Variants in RGS6 observed in about 807,000 individuals in gnomAD.
RGS6 encodes regulator of G protein signaling 6.
RGS6 carries 30 observed loss-of-function variants against 78.5 expected under a neutral mutation model. That is an observed-to-expected ratio of 0.38 (90% CI 0.29 to 0.52). RGS6 has a LOEUF of 0.52. Among genes scored for constraint, RGS6 ranks in the 20% least tolerant of loss-of-function variants. RGS6 has a pLI of 0.85. For synonymous variants in RGS6, 206 were observed against 206.0 expected, an observed-to-expected ratio of 1.00 and a Z score of 0.00; for missense variants, 495 against 609.7, an observed-to-expected ratio of 0.81 and a Z score of 1.98.
chr14:72,513,567 C>A (rs1289859559), intron 14 of RGS6, among the ~76,000 whole-genome samples: 1 of 152,222 alleles, frequency 6.6e-6, no homozygotes, highest in African/African-American at 2.4e-5. Flanking sequence ...CTTGGGAATG[C>A]TCATGGCTTC....
At chr14:72,028,339 T>C (rs894812303) in intron 2 of RGS6, among the ~76,000 whole-genome samples, 1 of 152,184 alleles carries the variant, frequency 6.6e-6, no homozygotes, top group East Asian at 1.9e-4. Flanking sequence ...TGAGTACCAA[T>C]TACATCCAGT....
chr14:72,285,314 G>A (rs2062336425), intron 2 of RGS6, among the ~76,000 whole-genome samples: 1 of 152,102 alleles, frequency 6.6e-6, no homozygotes, highest in Non-Finnish European at 1.5e-5. Context: ...CACATGTTGT[G>A]GGAAGGACCT....
At chr14:72,420,750 A>T (rs1348244144) in intron 3 of RGS6, among the ~76,000 whole-genome samples, 1 of 152,258 alleles carries the variant, frequency 6.6e-6, no homozygotes, top group African/African-American at 2.4e-5. Context: ...AAAATGCCGT[A>T]AACGACATCT....
chr14:72,371,569 C>A (rs1160729253), intron 3 of RGS6, among the ~76,000 whole-genome samples: 1 of 152,110 alleles, frequency 6.6e-6, no homozygotes, highest in Non-Finnish European at 1.5e-5. Context: ...CGAGACCAGC[C>A]TGACTAACAT....
intron 2 of RGS6, among the ~76,000 whole-genome samples, chr14:72,237,385 A>G (rs941477751): frequency 6.6e-5 from 10 of 151,942 alleles, no homozygotes; most frequent in Admixed American, 6.6e-4. Flanking sequence ...TAGTCTTAGC[A>G]CAGAGTCTAC....
At chr14:71,939,736 C>G (rs553607305) in intron 1 of RGS6, among the ~76,000 whole-genome samples, 103 of 152,340 alleles carry the variant, frequency 6.8e-4, no homozygotes, top group African/African-American at 2.2e-3. Flanking sequence ...CTATCATTCT[C>G]CAAGATGCAT....
chr14:72,215,729 G>C (rs375425550), intron 2 of RGS6, among the ~76,000 whole-genome samples: 3 of 152,216 alleles, frequency 2.0e-5, no homozygotes, highest in African/African-American at 7.2e-5. Context: ...TAAGGAAGAG[G>C]AACAGGCTAA....
intron 2 of RGS6, among the ~76,000 whole-genome samples, chr14:72,131,339 T>A (rs2096310951): frequency 6.6e-6 from 1 of 152,216 alleles, no homozygotes; most frequent in African/African-American, 2.4e-5. Flanking sequence ...CTACTTGGGA[T>A]ACTTAAGGAA....
upstream of RGS6, among the ~76,000 whole-genome samples, chr14:71,927,782 C>T (rs550828067): frequency 5.3e-5 from 8 of 151,702 alleles, no homozygotes; most frequent in South Asian, 1.0e-3. Flanking sequence ...CTCAGCCTCC[C>T]GTGTAGCTGG....
At chr14:72,447,795 C>T (rs376414440) in intron 3 of RGS6, among the ~76,000 whole-genome samples, 26 of 152,258 alleles carry the variant, frequency 1.7e-4, no homozygotes, top group Admixed American at 5.9e-4. Context: ...CTCCACCTCG[C>T]GGGTTGAAGC....
chr14:72,029,162 T>A (rs969254408), intron 2 of RGS6, among the ~76,000 whole-genome samples: 6 of 152,196 alleles, frequency 3.9e-5, no homozygotes, highest in Admixed American at 1.3e-4. Flanking sequence ...TTTTTCTTTA[T>A]CCCTCGTTCT....
chr14:72,181,379 T>C (rs143388541), intron 2 of RGS6, among the ~76,000 whole-genome samples: 2 of 152,368 alleles, frequency 1.3e-5, no homozygotes, highest in East Asian at 3.9e-4. Flanking sequence ...AAAGCCAAAG[T>C]CTTCCTGATC....
intron 2 of RGS6, among the ~76,000 whole-genome samples, chr14:72,323,866 AAT>A (rs1567754658): frequency 6.7e-6 from 1 of 149,170 alleles, no homozygotes; most frequent in Non-Finnish European, 1.5e-5. Context: ...CAGAAGTTAA[AAT>A]ATATATGTCT....
At chr14:72,192,537 C>A (rs2097339848) in intron 2 of RGS6, among the ~76,000 whole-genome samples, 1 of 152,198 alleles carries the variant, frequency 6.6e-6, no homozygotes. Context: ...TCCCCTCTCA[C>A]TTTCCAGAAA....
chr14:72,365,323 CTATAAGCA>C (rs1347512435), intron 3 of RGS6, among the ~76,000 whole-genome samples: 3 of 152,156 alleles, frequency 2.0e-5, no homozygotes, highest in African/African-American at 7.2e-5. Context: ...GGAGGTATAG[CTATAAGCA>C]GAGCAGAAAA....
At chr14:72,389,365 CCTT>C (rs1190644434) in intron 3 of RGS6, among the ~76,000 whole-genome samples, 1 of 152,130 alleles carries the variant, frequency 6.6e-6, no homozygotes, top group African/African-American at 2.4e-5. Flanking sequence ...TAATAAATGA[CCTT>C]CTGAGAGTCA....
intron 2 of RGS6, among the ~76,000 whole-genome samples, chr14:72,202,972 T>A (rs1292917851): frequency 1.3e-5 from 2 of 152,044 alleles, no homozygotes; most frequent in Non-Finnish European, 2.9e-5. Flanking sequence ...GGAGAATGGT[T>A]CACGCCATTC....
chr14:72,594,183 C>T, the RGS6 span: 4 of 152,190 alleles, frequency 2.6e-5, no homozygotes, highest in Non-Finnish European at 4.4e-5. Flanking sequence ...AGGTAAAGGG[C>T]TTCTCCAGGG....
chr14:72,343,635 T>TACC (rs2077439590), intron 2 of RGS6, among the ~76,000 whole-genome samples: 4 of 117,496 alleles, frequency 3.4e-5, no homozygotes, highest in Non-Finnish European at 7.2e-5. Context: ...ATGGCCCCGT[T>TACC]TTCGTATCTT....
Sources: allele counts gnomAD v4.1 joint callset (sites outside exome capture counted in the v4.1 genomes callset), GRCh38; gene constraint gnomAD v4.1.1; transcripts MANE v1.5; gene names NCBI Gene and HGNC (gene_info 2026-07-23, HGNC 2026-07-21).